Variants in EIF4G3 observed in about 807,000 individuals in gnomAD.
The protein encoded by EIF4G3 is eIF-4-gamma 3.
EIF4G3 carries 34 observed loss-of-function variants against 186.4 expected under a neutral mutation model. The observed-to-expected ratio is 0.18, with a 90% confidence interval of 0.14 to 0.24. The LOEUF (loss-of-function observed/expected upper bound fraction) is 0.24, where lower values mean the gene tolerates loss of function less well. Ranked by LOEUF, EIF4G3 falls within the 10% of genes least tolerant of loss-of-function variation. EIF4G3 has a pLI of 1.00. For synonymous variants in EIF4G3, 673 were observed against 679.5 expected, an observed-to-expected ratio of 0.99 and a Z score of 0.15; for missense variants, 1,536 against 1,948.5, an observed-to-expected ratio of 0.79 and a Z score of 3.99.
intron 9 of EIF4G3, 143 bp from the exon 10 acceptor site, chr1:20,980,591 G>A: frequency 1.7e-6 from 1 of 585,960 alleles, no homozygotes; most frequent in Non-Finnish European, 2.9e-6. Context: ...AAGCGATTGG[G>A]TCAAACACAT....
At chr1:20,957,762 T>G (rs1463506427) in intron 12 of EIF4G3, among the ~76,000 whole-genome samples, 1 of 152,088 alleles carries the variant, frequency 6.6e-6, no homozygotes, top group Non-Finnish European at 1.5e-5. Context: ...TCGAGACTAC[T>G]ATGAACAACT....
At chr1:20,866,972 C>T (rs2077697380) in intron 20 of EIF4G3, among the ~76,000 whole-genome samples, 2 of 152,150 alleles carry the variant, frequency 1.3e-5, no homozygotes, top group Admixed American at 6.5e-5. Context: ...TCCTACATTA[C>T]AGATTTACTG....
intron 14 of EIF4G3, among the ~76,000 whole-genome samples, chr1:20,915,352 A>G (rs1268877441): frequency 6.6e-6 from 1 of 152,114 alleles, no homozygotes; most frequent in Non-Finnish European, 1.5e-5. Flanking sequence ...GAGAAAACTC[A>G]CTAACTCATC....
At chr1:20,993,827 C>T (rs1402489470) in intron 7 of EIF4G3, among the ~76,000 whole-genome samples, 1 of 152,140 alleles carries the variant, frequency 6.6e-6, no homozygotes, top group African/African-American at 2.4e-5. Context: ...AGTGTCTTCC[C>T]TTTAAAAGTA....
intron 23 of EIF4G3, 144 bp downstream of exon 23, chr1:20,862,084 A>G: frequency 1.9e-6 from 1 of 523,492 alleles, no homozygotes. Context: ...GAACTCTCCC[A>G]CGGAAAGTTT....
intron 34 of EIF4G3, 130 bp downstream of exon 34, chr1:20,817,262 A>T (rs1214365363): frequency 3.4e-4 from 88 of 258,504 alleles, no homozygotes; most frequent in Non-Finnish European, 4.6e-4. Flanking sequence ...ATAAATAAAT[A>T]AAAAAATAAA....
At position 20,818,144 on chromosome 1, in the gene EIF4G3, T is replaced by G. The variant is rs115329848; in HGVS notation, c.4369-606A>C. ...TTCAATCTTCCCCTTAGCTGCAACATAGCTCTTTAAGGCAGGATAGGAGCC... is the reference window on the plus strand; with the variant it reads ...TTCAATCTTCCCCTTAGCTGCAACAGAGCTCTTTAAGGCAGGATAGGAGCC... On this transcript the variant is annotated intron_variant, in intron 33 of 36. Coordinates refer to ENST00000602326, the MANE Select transcript of EIF4G3 (RefSeq NM_001391906.1). 2.0e-3 allele frequency among the ~76,000 whole-genome samples: 297 copies of G among 152,224 alleles called. 3 individuals are homozygous for G. Among genetic ancestry groups the G allele is most frequent in the African/African-American group, 6.8e-3 (283 of 41,546 alleles).
chr1:20,910,917 C>G (rs1208020134), intron 14 of EIF4G3, among the ~76,000 whole-genome samples: 1 of 152,182 alleles, frequency 6.6e-6, no homozygotes, highest in Non-Finnish European at 1.5e-5. Flanking sequence ...AGGCTACATA[C>G]TTGAACAATA....
At chr1:20,973,730 C>G (rs1022792649) in intron 10 of EIF4G3, among the ~76,000 whole-genome samples, 1 of 152,176 alleles carries the variant, frequency 6.6e-6, no homozygotes, top group Admixed American at 6.5e-5. Context: ...CTAGCTATAA[C>G]CTACTCCTAA....
At position 21,135,709 on chromosome 1, in the gene EIF4G3, A is replaced by G. The variant is rs532839124; in HGVS notation, c.-272+40466T>C. Among the ~76,000 whole-genome samples, 80 of 152,312 alleles carry G rather than the reference A, an allele frequency of 5.3e-4. 1 individual carries two copies. The South Asian group carries it at 0.012, about 23-fold the overall frequency. ...ATGGTGTACACATTTTCCAACTCCC[A>G]ATTTGTAGAATAAGCCTGGGAATGA... is the stretch of plus-strand genomic sequence containing the variant. On this transcript the variant is annotated intron_variant, in intron 2 of 36. Transcript: ENST00000602326.
chr1:21,080,426 G>A (rs527416086), intron 3 of EIF4G3, among the ~76,000 whole-genome samples: 3 of 151,838 alleles, frequency 2.0e-5, no homozygotes, highest in South Asian at 2.1e-4. Context: ...GTGCAAGAGC[G>A]GAGGACCCCG....
At chr1:21,026,085 T>C (rs1402448909) in intron 4 of EIF4G3, among the ~76,000 whole-genome samples, 1 of 152,184 alleles carries the variant, frequency 6.6e-6, no homozygotes, top group Non-Finnish European at 1.5e-5. Flanking sequence ...CAAGGAAGTC[T>C]GGATAGCCAA....
intron 12 of EIF4G3, among the ~76,000 whole-genome samples, chr1:20,958,846 G>A (rs898161807): frequency 6.6e-6 from 1 of 152,038 alleles, no homozygotes; most frequent in African/African-American, 2.4e-5. Context: ...CTTAACTAAG[G>A]AGGTGAAAAT....
intron 4 of EIF4G3, among the ~76,000 whole-genome samples, chr1:21,025,819 G>A (rs2091993531): frequency 6.6e-6 from 1 of 152,200 alleles, no homozygotes. Context: ...TAGGCATGAA[G>A]AGAGCAGAGT....
chr1:20,908,190 T>C (rs1416151930), intron 14 of EIF4G3, among the ~76,000 whole-genome samples: 1 of 152,206 alleles, frequency 6.6e-6, no homozygotes, highest in Non-Finnish European at 1.5e-5. Context: ...CATAAATGTC[T>C]TCTTTTGAGA....
intron 14 of EIF4G3, among the ~76,000 whole-genome samples, chr1:20,922,300 A>C (rs991472556): frequency 1.3e-5 from 2 of 152,104 alleles, no homozygotes; most frequent in African/African-American, 4.8e-5. Flanking sequence ...TACTAGCTTC[A>C]AAGTCTATCT....
At chr1:20,819,443 A>ATATTTATT (rs71585785) in intron 33 of EIF4G3, among the ~76,000 whole-genome samples, 399 of 145,310 alleles carry the variant, frequency 2.7e-3, no homozygotes, top group African/African-American at 8.5e-3. Context: ...CTGAAGTCTC[A>ATATTTATT]TATTTATTTA....
intron 2 of EIF4G3, among the ~76,000 whole-genome samples, chr1:21,123,200 A>G (rs2096958154): frequency 6.6e-6 from 1 of 152,196 alleles, no homozygotes; most frequent in Non-Finnish European, 1.5e-5. Context: ...GTAGGCTTAA[A>G]TAATACAAGA....
chr1:20,933,159 A>C (rs1350344430), intron 14 of EIF4G3, among the ~76,000 whole-genome samples: 1 of 152,172 alleles, frequency 6.6e-6, no homozygotes, highest in Admixed American at 6.5e-5. Flanking sequence ...CATCCTGAAG[A>C]GCTTAAAAAG....
Sources: allele counts gnomAD v4.1 joint callset (sites outside exome capture counted in the v4.1 genomes callset), GRCh38; gene constraint gnomAD v4.1.1; transcripts MANE v1.5; gene names NCBI Gene and HGNC (gene_info 2026-07-23, HGNC 2026-07-21).